CSDE1: variants seen among roughly 807,000 people sequenced by gnomAD.
The protein encoded by CSDE1 is cold shock domain containing E1, also known as cold shock domain-containing protein E1.
Under a neutral mutation model 89.3 loss-of-function variants are expected in CSDE1, and 17 were observed. The ratio of observed to expected loss-of-function variants is 0.19; its 90% confidence interval spans 0.13 to 0.29. The LOEUF (loss-of-function observed/expected upper bound fraction) is 0.29. CSDE1 is among the 10% of genes least tolerant of loss of function. CSDE1 has a pLI of 1.00. For missense variants in CSDE1, 672 were observed against 984.2 expected (o/e 0.68, Z 4.24); for synonymous variants, 322 against 332.8 (o/e 0.97, Z 0.35).
Position 114,726,345 on chromosome 1 carries a change from C to T in CSDE1, c.1506G>A (p.Gln502=). The T allele has an allele frequency of 6.2e-7, 1 of 1,613,648 alleles. No individual in the cohort carries two copies. The highest frequency in any genetic ancestry group is 8.5e-7 in the Non-Finnish European group (1 of 1,179,822). ...SISDKQRPGQ[Q]VATCVRLLGR... is the part of the protein sequence containing the mutation. ...CTAAAAGTCGCACACAAGTTGCAACCTGCTGTCCAGGCCTCTGTTTGTCAC... is the reference window on the plus strand; with the variant it reads ...CTAAAAGTCGCACACAAGTTGCAACTTGCTGTCCAGGCCTCTGTTTGTCAC... The change falls in exon 14 of 20, where the codon CAG becomes CAA. Residue 502 remains glutamine, a synonymous_variant. Coordinates refer to ENST00000358528, the MANE Select transcript of CSDE1 (RefSeq NM_001007553.3).
intron 1 of CSDE1, among the ~76,000 whole-genome samples, chr1:114,752,653 C>T (rs376759967): frequency 1.3e-5 from 2 of 152,290 alleles, no homozygotes; most frequent in South Asian, 2.1e-4. Flanking sequence ...GCCACCTTTG[C>T]TTATATGGGT....
intron 3 of CSDE1, among the ~76,000 whole-genome samples, chr1:114,738,403 CATACTACAAATGAGATG>C (rs1660525134): frequency 6.6e-6 from 1 of 152,104 alleles, no homozygotes; most frequent in African/African-American, 2.4e-5. Flanking sequence ...GGCATTTACA[CATACTACAAATGAGATG>C]ACTTAACAAT....
intron 19 of CSDE1, 58 bp from the exon 20 acceptor site, chr1:114,718,274 T>C (rs1045973072): frequency 4.5e-6 from 7 of 1,540,660 alleles, no homozygotes; most frequent in South Asian, 2.3e-5. Flanking sequence ...ACAACAATCA[T>C]AGTACATTCA....
chr1:114,739,449 G>A (rs140537653), intron 3 of CSDE1, among the ~76,000 whole-genome samples: 276 of 152,246 alleles, frequency 1.8e-3, no homozygotes, highest in African/African-American at 6.3e-3. Flanking sequence ...AAAATCTTAC[G>A]GGTAAACAGT....
Position 114,734,098 on chromosome 1 carries a change from T to C in CSDE1, c.602A>G (p.Glu201Gly). 6.2e-7 allele frequency: 1 copy of C among 1,611,608 alleles called. No homozygotes were observed. Among genetic ancestry groups the C allele is most frequent in the Non-Finnish European group, 8.5e-7 (1 of 1,179,724 alleles). Residue 201 changes from glutamate to glycine, a missense_variant, in exon 8 of 20, where the codon GAA (glutamate) becomes GGA (glycine). Transcript: ENST00000358528. ...TATCTCTTTTACAACATCACCTCTTTCAATAAAGCCAAATGCCTCCTGAAG... is the reference window on the plus strand; with the variant it reads ...TATCTCTTTTACAACATCACCTCTTCCAATAAAGCCAAATGCCTCCTGAAG... ...CAMKEAFGFI[E>G]RGDVVKEIFF...
In CSDE1 at chr1:114,718,042, G is replaced by T; in HGVS notation, c.*127C>A. ...TAACACGAGGAAGGTGTTAAAACTG[G>T]TGTAATAGCTCAATAGAATAAGTAT... On this transcript the variant is annotated 3_prime_UTR_variant, in exon 20 of 20. Transcript: ENST00000358528. 1.2e-6 allele frequency: 1 copy of T among 866,678 alleles called. No homozygotes were observed. Among genetic ancestry groups the T allele is most frequent in the Non-Finnish European group, 1.9e-6 (1 of 528,790 alleles). The allele number at this position is 866,678 out of a possible 1,614,324, so 53.7% of individuals were successfully genotyped here.
Position 114,726,974 on chromosome 1 carries a change from T to C in CSDE1, c.1464+9A>G. The C allele has an allele frequency of 1.9e-6, 3 of 1,578,008 alleles. No homozygotes were observed. In the South Asian group the frequency reaches 3.3e-5, roughly 17 times the overall value. ...TTAACCCTCTCTCGAATGAGCAGAA[T>C]TATCTTGCCTTATCTCCTATTTGAG... On this transcript the variant is annotated intron_variant, in intron 13 of 19. Transcript: ENST00000358528.
chr1:114,752,765 G>A (rs926515365), intron 1 of CSDE1, among the ~76,000 whole-genome samples: 1 of 152,186 alleles, frequency 6.6e-6, no homozygotes, highest in Non-Finnish European at 1.5e-5. Flanking sequence ...AATGAATGGG[G>A]CAGTAACATC....
intron 3 of CSDE1, among the ~76,000 whole-genome samples, chr1:114,739,259 C>T (rs1161766261): frequency 2.0e-5 from 3 of 152,104 alleles, no homozygotes; most frequent in African/African-American, 7.2e-5. Context: ...TCTCTATCTC[C>T]TGACCTCGTG....
In CSDE1 at chr1:114,739,741, G is replaced by A. The variant is rs1660616814; in HGVS notation, c.150C>T (p.Phe50=). Residue 50 remains phenylalanine (F), a synonymous_variant, in exon 3 of 20, where the codon TTC becomes TTT. Coordinates refer to ENST00000358528, the MANE Select transcript of CSDE1 (RefSeq NM_001007553.3). ...IQCSERQARL[F]FHCSQYNGNL... Reference sequence around the variant, plus strand: ...TGCCATTATACTGTGAACAGTGGAAGAAAAGTCTAGCTTGACGTTCTGAAC... The same window carrying A: ...TGCCATTATACTGTGAACAGTGGAAAAAAAGTCTAGCTTGACGTTCTGAAC... 6.2e-7 allele frequency: 1 copy of A among 1,613,972 alleles called. No homozygotes were observed. The highest frequency in any genetic ancestry group is 1.3e-5 in the African/African-American group (1 of 74,924).
intron 10 of CSDE1, 51 bp downstream of exon 10, chr1:114,732,553 A>G (rs1214464307): frequency 6.4e-7 from 1 of 1,557,506 alleles, no homozygotes; most frequent in Non-Finnish European, 8.8e-7. Flanking sequence ...ACTTGAATAT[A>G]ACATTGGCTT....
chr1:114,750,782 TAGG>T (rs1404630587), intron 1 of CSDE1, among the ~76,000 whole-genome samples: 1 of 152,218 alleles, frequency 6.6e-6, no homozygotes, highest in African/African-American at 2.4e-5. Context: ...GGCAGAATTC[TAGG>T]AGAAAGAAAA....
intron 2 of CSDE1, among the ~76,000 whole-genome samples, chr1:114,742,895 T>C (rs555225178): frequency 2.8e-4 from 42 of 152,322 alleles, no homozygotes; most frequent in Non-Finnish European, 2.1e-4. Flanking sequence ...ATCCAGAACA[T>C]AGTATTTCTA....
At chr1:114,718,841 A>G (rs1015304176) in intron 18 of CSDE1, 96 bp from the exon 19 acceptor site, 1 of 1,385,676 alleles carries the variant, frequency 7.2e-7, no homozygotes, top group Non-Finnish European at 9.9e-7. Context: ...TGCCCAAATG[A>G]CTCACTTTTT....
At chr1:114,731,996 G>A (rs1660127877) in intron 10 of CSDE1, among the ~76,000 whole-genome samples, 1 of 152,062 alleles carries the variant, frequency 6.6e-6, no homozygotes, top group African/African-American at 2.4e-5. Flanking sequence ...TCTATTTTTA[G>A]TAGAGACGGG....
At chr1:114,749,010 TCTCTA>T (rs1281403725) in intron 2 of CSDE1, among the ~76,000 whole-genome samples, 1 of 152,160 alleles carries the variant, frequency 6.6e-6, no homozygotes, top group African/African-American at 2.4e-5. Flanking sequence ...AAAATTATAT[TCTCTA>T]CTCTGTTCAT....
chr1:114,720,370 G>T (rs1345062304), intron 17 of CSDE1, 169 bp downstream of exon 17: 2 of 599,440 alleles, frequency 3.3e-6, no homozygotes, highest in Non-Finnish European at 2.8e-6. Context: ...GTCACTTTTT[G>T]TGTAGTTTTC....
chr1:114,752,136 T>A (rs1282018002), intron 1 of CSDE1, among the ~76,000 whole-genome samples: 1 of 152,102 alleles, frequency 6.6e-6, no homozygotes, highest in Non-Finnish European at 1.5e-5. Context: ...CATGGTGGTA[T>A]ACGCCTGGAG....
chr1:114,734,618 G>A, intron 6 of CSDE1, 95 bp from the exon 7 acceptor site: 1 of 875,492 alleles, frequency 1.1e-6, no homozygotes, highest in Non-Finnish European at 1.8e-6. Context: ...TAGTTTCCTG[G>A]GGCTTTAAGA....
Sources: gnomAD v4.1 joint callset for allele counts (sites outside exome capture counted in the v4.1 genomes callset) on GRCh38, gnomAD v4.1.1 for gene constraint, MANE v1.5 for transcripts, NCBI Gene and HGNC (gene_info 2026-07-23, HGNC 2026-07-21) for gene names.